The following MARK2 variants were observed in gnomAD, a reference collection of about 807,000 sequenced individuals.
The protein encoded by MARK2 is serine/threonine-protein kinase MARK2.
A neutral mutation model predicts 89.8 loss-of-function variants in MARK2; 16 were observed. The observed-to-expected ratio is 0.18, with a 90% confidence interval of 0.12 to 0.27. MARK2 has a LOEUF of 0.27. Ranked by LOEUF, MARK2 falls within the 10% of genes least tolerant of loss-of-function variation. MARK2 has a pLI of 1.00. For synonymous variants in MARK2, 382 were observed against 399.5 expected, an observed-to-expected ratio of 0.96 and a Z score of 0.52; for missense variants, 621 against 1,049.9, an observed-to-expected ratio of 0.59 and a Z score of 5.65.
chr11:63,866,861 C>T (rs1591007994), intron 1 of MARK2, among the ~76,000 whole-genome samples: 1 of 152,172 alleles, frequency 6.6e-6, no homozygotes, highest in Admixed American at 6.6e-5. Context: ...CTTTACCCCC[C>T]AGGCTCTGAT....
chr11:63,888,433 C>T (rs1051217848), intron 1 of MARK2: 1 of 728,070 alleles, frequency 1.4e-6, no homozygotes, highest in African/African-American at 1.9e-5. Flanking sequence ...CGACCTCTCG[C>T]CAGCTGTTAC....
chr11:63,862,685 TC>T (rs1937874132), intron 1 of MARK2, among the ~76,000 whole-genome samples: 1 of 152,104 alleles, frequency 6.6e-6, no homozygotes, highest in Non-Finnish European at 1.5e-5. Context: ...TTTCCCATCT[TC>T]CGGAATTTCA....
At chr11:63,890,815 A>T (rs191439321) in intron 1 of MARK2, among the ~76,000 whole-genome samples, 1 of 152,332 alleles carries the variant, frequency 6.6e-6, no homozygotes, top group East Asian at 1.9e-4. Context: ...TCTTTCATCT[A>T]CCTGTGTAAA....
chr11:63,854,986 G>T (rs1417210755), intron 1 of MARK2, among the ~76,000 whole-genome samples: 1 of 152,080 alleles, frequency 6.6e-6, no homozygotes, highest in Non-Finnish European at 1.5e-5. Context: ...TTGTTCATAT[G>T]GACATTTTAT....
In MARK2 at chr11:63,895,794, C is replaced by T. The variant is rs540796631; in HGVS notation, c.288+161C>T. On this transcript the variant is annotated intron_variant, in intron 3 of 18. Coordinates refer to ENST00000402010, the MANE Select transcript of MARK2 (RefSeq NM_001039469.3). ...AAGCGATTCTCCCGCCTCAGCCTCC[C>T]GAGTAGCTGGGATTATAGGCACCCG... is the stretch of plus-strand genomic sequence containing the variant. 1.9e-4 allele frequency among the ~76,000 whole-genome samples: 29 copies of T among 151,574 alleles called. No homozygotes were observed. In the South Asian group the frequency reaches 3.5e-3, roughly 19 times the overall value.
At chr11:63,870,276 T>C (rs924847708) in intron 1 of MARK2, among the ~76,000 whole-genome samples, 3 of 152,204 alleles carry the variant, frequency 2.0e-5, no homozygotes, top group African/African-American at 7.2e-5. Flanking sequence ...GGTCTTACAA[T>C]ATTGCCCAGG....
chr11:63,878,812 T>C (rs2135283077), intron 1 of MARK2, among the ~76,000 whole-genome samples: 1 of 152,196 alleles, frequency 6.6e-6, no homozygotes, highest in East Asian at 1.9e-4. Context: ...TGGGCTATGG[T>C]TTAAGTCTTA....
In MARK2 at chr11:63,904,717, T is replaced by C; in HGVS notation, c.1677-69T>C. The C allele has an allele frequency of 6.9e-7, 1 of 1,450,574 alleles. No homozygotes were observed. Among genetic ancestry groups the C allele is most frequent in the Non-Finnish European group, 9.6e-7 (1 of 1,041,366 alleles). 89.9% of individuals were successfully genotyped at this position (1,450,574 alleles called of 1,614,324 possible). On this transcript the variant is annotated intron_variant, in intron 15 of 18. Transcript: ENST00000402010. The surrounding 1 kb of genome is among the most constrained non-coding windows in gnomAD (Gnocchi z 6.3). ...CCCTCCCTGTCCCCACCACAGGGTG[T>C]CCAGGTGCCCAGTGATGGCTGTCCT...
chr11:63,899,270 C>T lies in MARK2; in HGVS notation c.531+162C>T, dbSNP rs539403408. The stretch of plus-strand genomic sequence containing the variant: ...CTTTCTTTTTTTTTTTTTGAGATGA[C>T]CAGAAAGCCCCTAGGGCTGCCTCTG... On this transcript the variant is annotated intron_variant, in intron 7 of 18. Transcript: ENST00000402010. 5.3e-5 allele frequency among the ~76,000 whole-genome samples: 8 copies of T among 150,282 alleles called. No individual in the cohort carries two copies. In the East Asian group the frequency reaches 1.6e-3, roughly 29 times the overall value.
At chr11:63,898,411 G>C (rs1940591904) in intron 4 of MARK2, 131 bp downstream of exon 4, 3 of 1,007,058 alleles carry the variant, frequency 3.0e-6, no homozygotes, top group South Asian at 2.8e-5. Flanking sequence ...GGGAAGCTCA[G>C]CTCAAAATCC....
intron 1 of MARK2, chr11:63,882,446 G>GT (rs1939150069): frequency 6.6e-6 from 1 of 152,010 alleles, no homozygotes; most frequent in South Asian, 2.1e-4. Flanking sequence ...AGCCGGGCAT[G>GT]GTGGCGCATA....
chr11:63,887,761 C>G (rs892192356), intron 1 of MARK2, among the ~76,000 whole-genome samples: 3 of 152,208 alleles, frequency 2.0e-5, no homozygotes, highest in African/African-American at 7.2e-5. Flanking sequence ...AGACAGCCAG[C>G]TTGCCCTGTG....
rs1209235350 is a variant in MARK2 at position 63,903,726 on chromosome 11, C to T, written c.1515-260C>T. ...GGAGGCCAGTGCAGCCTGGAGGCAG[C>T]GGCCCCTTGTCTGCTCTCCTTCATT... On this transcript the variant is annotated intron_variant, in intron 14 of 18. Transcript: ENST00000402010. This position sits in a 1 kb window ranked among gnomAD's most constrained non-coding sequence, Gnocchi z 5.1. Among the ~76,000 whole-genome samples the T allele has an allele frequency of 6.6e-6, 1 of 152,166 alleles. No homozygotes were observed. Among genetic ancestry groups the T allele is most frequent in the East Asian group, 1.9e-4 (1 of 5,192 alleles).
At position 63,910,652 on chromosome 11, in the gene MARK2, ATTTTT is replaced by A. The variant is rs750155967; in HGVS notation, c.*1425_*1429del. Reference sequence around the variant, plus strand: ...GTTTTATTTTTTATTATTTTATTTTATTTTTTTTTTTTTTGATTTATGATGACTCC... The same window carrying A: ...GTTTTATTTTTTATTATTTTATTTTATTTTTTTTTGATTTATGATGACTCC... On this transcript the variant is annotated 3_prime_UTR_variant, in exon 19 of 19. Transcript: ENST00000402010. 7.3e-6 allele frequency: 1 copy of A among 137,436 alleles called. No homozygotes were observed. The highest frequency in any genetic ancestry group is 1.6e-5 in the Non-Finnish European group (1 of 64,268). 8.5% of individuals were successfully genotyped at this position (137,436 alleles called of 1,614,324 possible).
chr11:63,900,201 T>C lies in MARK2; in HGVS notation c.768+91T>C. ...CTCCTGCCTTTGCCACCTGTCTACA[T>C]TTGTCCCAAGCCAAAGCTTCAGAGA... is the stretch of plus-strand genomic sequence containing the variant. On this transcript the variant is annotated intron_variant, in intron 8 of 18. Transcript: ENST00000402010. The surrounding 1 kb of genome is among the most constrained non-coding windows in gnomAD (Gnocchi z 4.7). The C allele has an allele frequency of 2.0e-6, 2 of 998,016 alleles. No individual in the cohort carries two copies. Among genetic ancestry groups the C allele is most frequent in the East Asian group, 4.8e-5 (2 of 41,896 alleles). The allele number at this position is 998,016 out of a possible 1,614,324, so 61.8% of individuals were successfully genotyped here.
intron 1 of MARK2, among the ~76,000 whole-genome samples, chr11:63,859,344 G>A (rs1391544558): frequency 6.6e-6 from 1 of 151,066 alleles, no homozygotes; most frequent in Non-Finnish European, 1.5e-5. Flanking sequence ...CCCCGAGAAG[G>A]AGTCCTGCTC....
rs200426226 is a variant in MARK2, at chr11:63,900,701, C to T, written c.888+23C>T. The T allele has an allele frequency of 1.2e-5, 20 of 1,613,658 alleles. No homozygotes were observed. In the East Asian group the frequency reaches 2.5e-4, roughly 20 times the overall value. On this transcript the variant is annotated intron_variant, in intron 9 of 18. Coordinates refer to ENST00000402010, the MANE Select transcript of MARK2 (RefSeq NM_001039469.3). The surrounding 1 kb of genome is among the most constrained non-coding windows in gnomAD (Gnocchi z 4.7). The stretch of plus-strand genomic sequence containing the variant: ...GAGGTGAGCAGTGGAGCCCAACTGG[C>T]GGAAGGGCCTGGGGTCCCCACAGAA...
intron 7 of MARK2, 137 bp downstream of exon 7, chr11:63,899,245 CTTTCT>C (rs1940665418): frequency 4.7e-6 from 3 of 642,822 alleles, no homozygotes; most frequent in African/African-American, 2.1e-5. Flanking sequence ...TTCTTTCTTT[CTTTCT>C]TTTTTTTTTT....
chr11:63,906,159 G>A (rs1284571945), intron 17 of MARK2, 45 bp downstream of exon 17: 53 of 1,243,674 alleles, frequency 4.3e-5, no homozygotes, highest in Non-Finnish European at 3.4e-5. Flanking sequence ...GTGTGTGTCT[G>A]TGTCCTGTGT....
Sources: allele counts gnomAD v4.1 joint callset (sites outside exome capture counted in the v4.1 genomes callset), GRCh38; gene constraint gnomAD v4.1.1; non-coding constraint Gnocchi (gnomAD v3.1); transcripts MANE v1.5; gene names NCBI Gene and HGNC (gene_info 2026-07-23, HGNC 2026-07-21).